NLGN1: variants seen among roughly 807,000 people sequenced by gnomAD.
NLGN1 encodes the protein neuroligin 1.
A neutral mutation model predicts 65.5 loss-of-function variants in NLGN1; 12 were observed. The ratio of observed to expected loss-of-function variants is 0.18; its 90% CI spans 0.12 to 0.30. The LOEUF is 0.30. Ranked by LOEUF, NLGN1 falls within the 10% of genes least tolerant of loss-of-function variation. The pLI is 1.00. For synonymous variants in NLGN1, 350 were observed against 359.5 expected (o/e 0.97, Z 0.30); for missense variants, 750 against 1,007.1 (o/e 0.74, Z 3.46).
At chr3:173,745,850 C>G (rs1174546727) in intron 3 of NLGN1, among the ~76,000 whole-genome samples, 1 of 151,950 alleles carries the variant, frequency 6.6e-6, no homozygotes, top group East Asian at 1.9e-4. Flanking sequence ...ACTATTAGTT[C>G]AAAAGGAATT....
chr3:173,943,669 G>A (rs944256418), intron 4 of NLGN1, among the ~76,000 whole-genome samples: 2 of 152,216 alleles, frequency 1.3e-5, no homozygotes, highest in African/African-American at 4.8e-5. Flanking sequence ...AGGAGGGGTA[G>A]GTCTGTGTTT....
intron 4 of NLGN1, among the ~76,000 whole-genome samples, chr3:174,018,258 C>A (rs887468152): frequency 6.6e-6 from 1 of 152,092 alleles, no homozygotes; most frequent in African/African-American, 2.4e-5. Flanking sequence ...GCCCACATTT[C>A]ATATTGTTTA....
At chr3:173,659,648 C>A (rs1008123240) in intron 3 of NLGN1, among the ~76,000 whole-genome samples, 1 of 151,800 alleles carries the variant, frequency 6.6e-6, no homozygotes, top group Non-Finnish European at 1.5e-5. Flanking sequence ...ATTAAAAAAA[C>A]CATTGTGATG....
At chr3:173,998,010 G>T (rs1056453945) in intron 4 of NLGN1, among the ~76,000 whole-genome samples, 6 of 152,076 alleles carry the variant, frequency 3.9e-5, no homozygotes, top group African/African-American at 1.2e-4. Flanking sequence ...TTTCTGTATG[G>T]ACTGAGCCAT....
intron 2 of NLGN1, among the ~76,000 whole-genome samples, chr3:173,487,582 T>C (rs1728378121): frequency 6.6e-6 from 1 of 152,086 alleles, no homozygotes; most frequent in Non-Finnish European, 1.5e-5. Flanking sequence ...AAATTCCATA[T>C]TGGCTTTTGT....
intron 3 of NLGN1, among the ~76,000 whole-genome samples, chr3:173,760,775 A>T (rs1025614428): frequency 2.0e-5 from 3 of 152,094 alleles, no homozygotes; most frequent in Non-Finnish European, 4.4e-5. Context: ...GCTTATTCAT[A>T]TTCTGCCCTC....
At chr3:174,038,537 CT>C (rs1731613306) in intron 4 of NLGN1, among the ~76,000 whole-genome samples, 1 of 152,132 alleles carries the variant, frequency 6.6e-6, no homozygotes, top group Non-Finnish European at 1.5e-5. Context: ...GAAGTGCATA[CT>C]AAAAATAAAG....
chr3:174,144,533 C>T (rs966843669), intron 4 of NLGN1, among the ~76,000 whole-genome samples: 4 of 152,320 alleles, frequency 2.6e-5, no homozygotes, highest in Admixed American at 2.6e-4. Flanking sequence ...CTCCCACCAA[C>T]AGTGTAAAAG....
intron 3 of NLGN1, among the ~76,000 whole-genome samples, chr3:173,627,431 C>T (rs552932946): frequency 6.6e-5 from 10 of 151,940 alleles, no homozygotes; most frequent in Admixed American, 5.9e-4. Context: ...TTTCTTTATC[C>T]ATGTGTTTCT....
At position 174,157,302 on chromosome 3, in the gene NLGN1, G is replaced by A. The variant is rs1038803286; in HGVS notation, c.647-118013G>A. Among the ~76,000 whole-genome samples the A allele has an allele frequency of 4.0e-5, 6 of 151,742 alleles. No homozygotes were observed. The East Asian group carries it at 5.8e-4, about 15-fold the overall frequency. On this transcript the variant is annotated intron_variant, in intron 4 of 6. Transcript: ENST00000457714. ...AGTGTAACTGGTAACCTTAGAACACGTTTTTCCCCCTCTTTCTCATCATTG... is the reference window on the plus strand; with the variant it reads ...AGTGTAACTGGTAACCTTAGAACACATTTTTCCCCCTCTTTCTCATCATTG...
chr3:174,029,747 G>A (rs1278138072), intron 4 of NLGN1, among the ~76,000 whole-genome samples: 1 of 152,130 alleles, frequency 6.6e-6, no homozygotes, highest in Non-Finnish European at 1.5e-5. Context: ...TTGAATCATG[G>A]GAGTGGTTTC....
intron 4 of NLGN1, among the ~76,000 whole-genome samples, chr3:174,229,247 GGT>G (rs1376913666): frequency 6.6e-6 from 1 of 152,042 alleles, no homozygotes; most frequent in Non-Finnish European, 1.5e-5. Flanking sequence ...CGTGAACTTT[GGT>G]GCCAGGCAGA....
chr3:174,057,130 G>GA (rs11370171), intron 4 of NLGN1, among the ~76,000 whole-genome samples: 27,757 of 150,194 alleles, frequency 0.18, 2,679 homozygotes, highest in African/African-American at 0.25. Flanking sequence ...AGACTGAGGG[G>GA]AAAAAAAAAG....
chr3:173,449,623 A>C (rs1385081269), intron 2 of NLGN1, among the ~76,000 whole-genome samples: 1 of 151,750 alleles, frequency 6.6e-6, no homozygotes, highest in Non-Finnish European at 1.5e-5. Flanking sequence ...ATCCTTGTTA[A>C]CTTTCTGTCT....
At chr3:173,499,787 A>G (rs888512487) in intron 2 of NLGN1, among the ~76,000 whole-genome samples, 1 of 151,776 alleles carries the variant, frequency 6.6e-6, no homozygotes, top group Non-Finnish European at 1.5e-5. Flanking sequence ...TGTAAGTTGG[A>G]TTCCTAGGTA....
chr3:173,427,555 T>C (rs1716349494), intron 1 of NLGN1, among the ~76,000 whole-genome samples: 1 of 152,004 alleles, frequency 6.6e-6, no homozygotes, highest in South Asian at 2.1e-4. Flanking sequence ...TTCTTTGCAA[T>C]GTGTTCATTG....
chr3:173,884,502 A>G (rs986457549), intron 4 of NLGN1, among the ~76,000 whole-genome samples: 7 of 152,268 alleles, frequency 4.6e-5, no homozygotes, highest in Non-Finnish European at 4.4e-5. Context: ...CTGGTAATAC[A>G]GTGTTGACAA....
chr3:173,482,322 A>T (rs1727430922), intron 2 of NLGN1, among the ~76,000 whole-genome samples: 1 of 151,802 alleles, frequency 6.6e-6, no homozygotes, highest in Non-Finnish European at 1.5e-5. Context: ...ATTTCTTTCC[A>T]GAGTACTTTG....
chr3:173,697,591 G>A lies in NLGN1; in HGVS notation c.493+92500G>A, dbSNP rs138412665. Among the ~76,000 whole-genome samples, 977 of 151,860 alleles carry A rather than the reference G, an allele frequency of 6.4e-3. 14 individuals carry two copies. Among genetic ancestry groups the A allele is most frequent in the African/African-American group, 0.022 (931 of 41,400 alleles). ...TGCCCAGGCTGGAGTGCAATGGTGC[G>A]ATCTCAGCTCACCGCAACCTCTGCC... On this transcript the variant is annotated intron_variant, in intron 3 of 6. Coordinates refer to ENST00000457714, the Ensembl canonical transcript of NLGN1.
Sources: gnomAD v4.1 joint callset for allele counts (sites outside exome capture counted in the v4.1 genomes callset) on GRCh38, gnomAD v4.1.1 for gene constraint, MANE v1.5 for transcripts, NCBI Gene and HGNC (gene_info 2026-07-23, HGNC 2026-07-21) for gene names.